NCAPD2: variants seen among roughly 807,000 people sequenced by gnomAD.
The protein encoded by NCAPD2 is condensin complex subunit 1.
A neutral mutation model predicts 164.5 loss-of-function variants in NCAPD2; 100 were observed. The ratio of observed to expected loss-of-function variants is 0.61; its 90% CI spans 0.52 to 0.72. NCAPD2 has a LOEUF of 0.72. NCAPD2 is among the 30% of genes least tolerant of loss of function. The pLI is 0.00. For missense variants in NCAPD2, 1,560 were observed against 1,749.2 expected (o/e 0.89, Z 1.93); for synonymous variants, 585 against 642.6 (o/e 0.91, Z 1.36).
At chr12:6,511,612 AGCCACCAC>A (rs1946147927) in intron 6 of NCAPD2, among the ~76,000 whole-genome samples, 1 of 151,352 alleles carries the variant, frequency 6.6e-6, no homozygotes, top group South Asian at 2.1e-4. Context: ...TACAGGTGTG[AGCCACCAC>A]GCCCAGCCAG....
chr12:6,504,191 A>ATC (rs1445221802), intron 2 of NCAPD2, among the ~76,000 whole-genome samples: 1 of 28,612 alleles, frequency 3.5e-5, no homozygotes, highest in East Asian at 1.1e-3. Context: ...ACATATATAT[A>ATC]TATATATATA....
In NCAPD2 at chr12:6,528,235, C is replaced by A. The variant is rs772391132; in HGVS notation, c.3206C>A (p.Pro1069His). ...ACCATGCTGGAAAAGTCTCCACTTCCCATTGTCCGGTCTAACCTCATGGTT... is the reference window on the plus strand; with the variant it reads ...ACCATGCTGGAAAAGTCTCCACTTCACATTGTCCGGTCTAACCTCATGGTT... Reference protein sequence around the residue: ...LFTMLEKSPLPIVRSNLMVAT... With the variant: ...LFTMLEKSPLHIVRSNLMVAT... The change falls in exon 25 of 32, where the codon CCC becomes CAC. Residue 1069 changes from proline (P) to histidine (H), a missense_variant. Transcript: ENST00000315579. The surrounding 1 kb of genome is among the most constrained non-coding windows in gnomAD (Gnocchi z 5.1). 3 of 1,614,152 alleles carry A rather than the reference C, an allele frequency of 1.9e-6. No individual in the cohort carries two copies. Among genetic ancestry groups the A allele is most frequent in the South Asian group, 1.1e-5 (1 of 91,084 alleles).
chr12:6,516,709 G>C (rs1946204467), intron 9 of NCAPD2, 119 bp from the exon 10 acceptor site: 4 of 976,318 alleles, frequency 4.1e-6, no homozygotes, highest in East Asian at 2.6e-5. Flanking sequence ...TTGGGATTCA[G>C]CTTTCTCCTG....
rs1326965353 is a variant in NCAPD2, at chr12:6,517,759, T to C, written c.1409-20T>C. 1.9e-6 allele frequency: 3 copies of C among 1,614,098 alleles called. No individual in the cohort carries two copies. On this transcript the variant is annotated intron_variant, in intron 12 of 31. Transcript: ENST00000315579. ...AGTCAGAAACTCTAGTGAAAGAGAC[T>C]AAGTGACACTCTCATTTAGCTGCAG...
In NCAPD2 at chr12:6,528,942, C is replaced by T; in HGVS notation, c.3478-3C>T. On this transcript the variant is annotated splice_polypyrimidine_tract_variant and splice_region_variant and intron_variant, in intron 26 of 31. Transcript: ENST00000315579. This position sits in a 1 kb window ranked among gnomAD's most constrained non-coding sequence, Gnocchi z 5.1. ...CCTTAACATGGCTCTCTCTGTCTTACAGGGCAACGCAATCTATAATCTCCT... is the reference window on the plus strand; with the variant it reads ...CCTTAACATGGCTCTCTCTGTCTTATAGGGCAACGCAATCTATAATCTCCT... The T allele has an allele frequency of 6.2e-7, 1 of 1,614,138 alleles. No homozygotes were observed. Among genetic ancestry groups the T allele is most frequent in the Non-Finnish European group, 8.5e-7 (1 of 1,179,978 alleles).
At chr12:6,497,745 A>G (rs550271561) in intron 2 of NCAPD2, among the ~76,000 whole-genome samples, 5 of 151,220 alleles carry the variant, frequency 3.3e-5, no homozygotes, top group Non-Finnish European at 7.4e-5. Context: ...TCAGCCTCCT[A>G]AGTAGCTGGG....
intron 2 of NCAPD2, among the ~76,000 whole-genome samples, chr12:6,504,223 A>ATATATATACACATATATATATACAT: frequency 1.5e-4 from 4 of 26,684 alleles, no homozygotes; most frequent in African/African-American, 1.2e-3. Context: ...ATATAGATAT[A>ATATATATACACATATATATATACAT]GATATATATA....
chr12:6,495,246 C>G lies in NCAPD2; in HGVS notation c.127+21C>G, dbSNP rs781731353. On this transcript the variant is annotated intron_variant, in intron 2 of 31. Coordinates refer to ENST00000315579, the MANE Select transcript of NCAPD2 (RefSeq NM_014865.4). ...TAGAGGTAAGAGTCCATAGCTGTCA[C>G]TGTACCTAGCTCTTTCAAAGGACCA... The G allele has an allele frequency of 4.3e-6, 7 of 1,613,080 alleles. No homozygotes were observed. The African/African-American group carries it at 9.3e-5, about 22-fold the overall frequency.
At chr12:6,529,458 T>C in intron 27 of NCAPD2, 55 bp from the exon 28 acceptor site, 1 of 1,518,322 alleles carries the variant, frequency 6.6e-7, no homozygotes, top group Non-Finnish European at 9.1e-7. Context: ...TTGGTCTTAG[T>C]GGATGGCAGA....
In NCAPD2 at chr12:6,526,306, A is replaced by C. The variant is rs1592177116; in HGVS notation, c.2501A>C (p.His834Pro). The part of the protein sequence containing the change: ...DRRKPSLGKR[H>P]PPFRLPQEHR... ...CCACAGCCTTCTCTGGGCAAACGTC[A>C]CCCCCCCTTCCGGCTGCCTCAGGAA... Residue 834 changes from histidine (H) to proline (P), a missense_variant, in exon 20 of 32, where the codon CAC becomes CCC. His to Pro is a moderately conservative substitution (Grantham distance 77). Coordinates refer to ENST00000315579, the MANE Select transcript of NCAPD2 (RefSeq NM_014865.4). 6.2e-7 allele frequency: 1 copy of C among 1,613,528 alleles called. No homozygotes were observed. Among genetic ancestry groups the C allele is most frequent in the Non-Finnish European group, 8.5e-7 (1 of 1,179,888 alleles).
chr12:6,530,173 A>G (rs542371417), intron 29 of NCAPD2, among the ~76,000 whole-genome samples: 1 of 152,268 alleles, frequency 6.6e-6, no homozygotes, highest in South Asian at 2.1e-4. Context: ...CATCTCATCC[A>G]ATTCTTGTTT....
intron 4 of NCAPD2, 162 bp from the exon 5 acceptor site, chr12:6,510,467 G>A: frequency 1.2e-6 from 1 of 853,538 alleles, no homozygotes; most frequent in Non-Finnish European, 2.0e-6. Flanking sequence ...CATGTTCAGG[G>A]TATCAGGGCC....
At chr12:6,506,608 A>G (rs1946101967) in intron 2 of NCAPD2, among the ~76,000 whole-genome samples, 1 of 151,910 alleles carries the variant, frequency 6.6e-6, no homozygotes, top group Non-Finnish European at 1.5e-5. Flanking sequence ...AAAAAAAGAC[A>G]TATATATTTT....
chr12:6,496,401 G>A (rs189369939), intron 2 of NCAPD2, among the ~76,000 whole-genome samples: 1 of 152,068 alleles, frequency 6.6e-6, no homozygotes. Flanking sequence ...GTGGAAAAAG[G>A]AATTTTCTTT....
In NCAPD2 at chr12:6,494,575, C is replaced by G. The variant is rs192939544; in HGVS notation, c.-24+421C>G. 1.8e-4 allele frequency among the ~76,000 whole-genome samples: 28 copies of G among 152,362 alleles called. 1 individual carries two copies. Among genetic ancestry groups the G allele is most frequent in the Admixed American group, 1.0e-3 (16 of 15,310 alleles). On this transcript the variant is annotated intron_variant, in intron 1 of 31. Transcript: ENST00000315579. ...TTACCATTCTGGTGCAGGAAGCCCA[C>G]TAGCCCATGCTGGGGCACTGTTTTG...
chr12:6,517,954 T>A lies in NCAPD2; in HGVS notation c.1584T>A (p.Ser528Arg). 6.2e-7 allele frequency: 1 copy of A among 1,613,532 alleles called. No individual in the cohort carries two copies. Among genetic ancestry groups the A allele is most frequent in the South Asian group, 1.1e-5 (1 of 91,030 alleles). The change falls in exon 13 of 32, where the codon AGT (serine) becomes AGA (arginine). Residue 528 changes from serine (S) to arginine (R), a missense_variant. Ser to Arg is a moderately radical substitution (Grantham distance 110). Coordinates refer to ENST00000315579, the MANE Select transcript of NCAPD2 (RefSeq NM_014865.4). ...TCTATCAACTGCTTGCCAAAGCTAG[T>A]TACAAGTAGGCAAAAGAATGGGATA... Reference protein sequence around the residue: ...GRIYQLLAKASYKKAIILTRE... With the variant: ...GRIYQLLAKARYKKAIILTRE...
intron 22 of NCAPD2, 130 bp from the exon 23 acceptor site, chr12:6,527,647 C>T (rs1946329008): frequency 1.2e-6 from 1 of 809,666 alleles, no homozygotes; most frequent in Non-Finnish European, 2.0e-6. Flanking sequence ...TTTACAGACA[C>T]ATTTGACAAT....
chr12:6,522,860 G>C lies in NCAPD2; in HGVS notation c.1987G>C (p.Val663Leu). ...GGAGGTGATTGAATTCTTTGTGATGGTCTTCCAATTTGGGGTACCCCAGGC... is the reference window on the plus strand; with the variant it reads ...GGAGGTGATTGAATTCTTTGTGATGCTCTTCCAATTTGGGGTACCCCAGGC... Reference protein sequence around the residue: ...VQEVIEFFVMVFQFGVPQALF... With the variant: ...VQEVIEFFVMLFQFGVPQALF... The change falls in exon 16 of 32, where the codon GTC becomes CTC. Residue 663 changes from valine to leucine, a missense_variant. Coordinates refer to ENST00000315579, the MANE Select transcript of NCAPD2 (RefSeq NM_014865.4). 6.2e-7 allele frequency: 1 copy of C among 1,614,098 alleles called. No homozygotes were observed. The highest frequency in any genetic ancestry group is 8.5e-7 in the Non-Finnish European group (1 of 1,180,010).
Position 6,527,574 on chromosome 12 carries a change from T to G in NCAPD2, c.2908-203T>G, listed in dbSNP as rs187858763. 2.6e-5 allele frequency among the ~76,000 whole-genome samples: 4 copies of G among 152,356 alleles called. No individual in the cohort carries two copies. In the East Asian group the frequency reaches 7.7e-4, roughly 29 times the overall value. ...ATGAGGAAGAGGTGCAGAAACACGC[T>G]TTGGCAACTTAAAACAAATGGGGAC... is the stretch of plus-strand genomic sequence containing the variant. On this transcript the variant is annotated intron_variant, in intron 22 of 31. Transcript: ENST00000315579.
Sources: gnomAD v4.1 joint callset for allele counts (sites outside exome capture counted in the v4.1 genomes callset) on GRCh38, gnomAD v4.1.1 for gene constraint, Gnocchi (gnomAD v3.1) non-coding constraint, MANE v1.5 for transcripts, NCBI Gene and HGNC (gene_info 2026-07-23, HGNC 2026-07-21) for gene names.